The following BCL11B variants were observed in gnomAD, a reference collection of about 807,000 sequenced individuals.
BCL11B encodes B-cell lymphoma/leukemia 11B.
BCL11B carries 8 observed loss-of-function variants against 49.9 expected under a neutral mutation model. That is an observed-to-expected ratio of 0.16 (90% confidence interval 0.09 to 0.29). The LOEUF is 0.29. Among genes scored for constraint, BCL11B ranks in the 10% least tolerant of loss-of-function variants. The pLI is 1.00. For missense variants in BCL11B, 1,006 were observed against 1,351.0 expected, an observed-to-expected ratio of 0.74 and a Z score of 4.00; for synonymous variants, 739 against 637.4, an observed-to-expected ratio of 1.16 and a Z score of -2.40.
intron 2 of BCL11B, among the ~76,000 whole-genome samples, chr14:99,245,499 C>T (rs887044526): frequency 4.6e-5 from 7 of 152,234 alleles, no homozygotes; most frequent in African/African-American, 1.7e-4. Context: ...TACAAGGGAA[C>T]TCCCGGAGGC....
At chr14:99,268,894 C>A (rs1889564836) in intron 1 of BCL11B, among the ~76,000 whole-genome samples, 2 of 152,132 alleles carry the variant, frequency 1.3e-5, no homozygotes, top group Non-Finnish European at 2.9e-5. Context: ...CTTTCCCCAG[C>A]GTGGCTCTGA....
chr14:99,212,601 T>C (rs532425397), intron 3 of BCL11B, among the ~76,000 whole-genome samples: 13 of 152,198 alleles, frequency 8.5e-5, no homozygotes, highest in African/African-American at 3.1e-4. Flanking sequence ...CACCCCGTGA[T>C]AGGTGTCTCC....
rs961324878 is a variant in BCL11B at position 99,176,016 on chromosome 14, C to T, written c.820G>A (p.Val274Met). 6.4e-6 allele frequency: 10 copies of T among 1,561,314 alleles called. No homozygotes were observed. In the Admixed American group the frequency reaches 1.1e-4, roughly 18 times the overall value. The change falls in exon 4 of 4, where the codon GTG becomes ATG. Residue 274 changes from valine to methionine, a missense_variant. Coordinates refer to ENST00000357195, the MANE Select transcript of BCL11B (RefSeq NM_138576.4). The part of the protein sequence containing the change: ...TIPPPLGPEA[V>M]AQSPLMNFLG... ...AAATTCATGAGCGGGGACTGCGCCA[C>T]GGCCTCCGGCCCGAGCGGCGGCGGG... is the stretch of plus-strand genomic sequence containing the variant.
At chr14:99,256,842 C>T (rs1252619413) in intron 2 of BCL11B, among the ~76,000 whole-genome samples, 1 of 152,182 alleles carries the variant, frequency 6.6e-6, no homozygotes, top group Non-Finnish European at 1.5e-5. Flanking sequence ...TTCCCACACC[C>T]CTGCCTGGGA....
At chr14:99,260,934 AACTC>A (rs1168290504) in intron 1 of BCL11B, among the ~76,000 whole-genome samples, 2 of 152,126 alleles carry the variant, frequency 1.3e-5, no homozygotes, top group African/African-American at 4.8e-5. Context: ...CCAGAGATCC[AACTC>A]ACTGCCTCTA....
intron 3 of BCL11B, among the ~76,000 whole-genome samples, chr14:99,211,882 G>A (rs1215189895): frequency 6.6e-6 from 1 of 152,052 alleles, no homozygotes; most frequent in East Asian, 1.9e-4. Context: ...CATCATCTAT[G>A]TGGGCTTTTG....
At chr14:99,202,082 G>A (rs974693988) in intron 3 of BCL11B, among the ~76,000 whole-genome samples, 7 of 152,144 alleles carry the variant, frequency 4.6e-5, no homozygotes, top group Admixed American at 4.6e-4. Context: ...TTGGGCTCAA[G>A]CAATTCTCCC....
At chr14:99,263,763 A>T (rs1889404391) in intron 1 of BCL11B, among the ~76,000 whole-genome samples, 2 of 152,206 alleles carry the variant, frequency 1.3e-5, no homozygotes, top group South Asian at 4.2e-4. Context: ...GCACAAGAGC[A>T]GAAAAAAGAA....
At chr14:99,264,671 T>C (rs1396101361) in intron 1 of BCL11B, 1 of 152,078 alleles carries the variant, frequency 6.6e-6, no homozygotes, top group African/African-American at 2.4e-5. Context: ...AAGACTAGCA[T>C]ATGTCAAAAT....
rs1367490272 is a variant in BCL11B, at chr14:99,228,974, G to A, written c.640+2371C>T. ...TGGATGGATGGATGCATGGATGGAT[G>A]CATGGATGGATGGATGGCTACATGG... On this transcript the variant is annotated intron_variant, in intron 3 of 3. Transcript: ENST00000357195. This position sits in a 1 kb window ranked among gnomAD's most constrained non-coding sequence, Gnocchi z 4.8. Among the ~76,000 whole-genome samples, 2 of 151,640 alleles carry A rather than the reference G, an allele frequency of 1.3e-5. No individual in the cohort carries two copies. The highest frequency in any genetic ancestry group is 4.8e-5 in the African/African-American group (2 of 41,282).
chr14:99,256,089 G>T (rs898920102), intron 2 of BCL11B, among the ~76,000 whole-genome samples: 2 of 152,214 alleles, frequency 1.3e-5, no homozygotes, highest in African/African-American at 4.8e-5. Context: ...TTGGAGACGT[G>T]GGGGAGACAG....
rs1886229097 is a variant in BCL11B, at chr14:99,169,789, G to A, written c.*4362C>T. 4.4e-6 allele frequency: 1 copy of A among 226,046 alleles called. No homozygotes were observed. Among genetic ancestry groups the A allele is most frequent in the Non-Finnish European group, 8.8e-6 (1 of 113,174 alleles). The allele number at this position is 226,046 out of a possible 1,614,324, so 14.0% of individuals were successfully genotyped here. ...TCGGCTGACGGTTACTTAGGACCGG[G>A]ATGAAAGGCTGATTTCCTTACTTTT... On this transcript the variant is annotated 3_prime_UTR_variant, in exon 4 of 4. Transcript: ENST00000357195.
intron 3 of BCL11B, among the ~76,000 whole-genome samples, chr14:99,206,857 C>G (rs193088245): frequency 1.8e-4 from 27 of 152,258 alleles, no homozygotes; most frequent in African/African-American, 6.3e-4. Context: ...TGGAACATAT[C>G]CCCCCAAGGA....
Position 99,257,781 on chromosome 14 carries a change from C to T in BCL11B, c.117G>A (p.Glu39=), listed in dbSNP as rs776879548. Residue 39 remains glutamate (E), a synonymous_variant, in exon 2 of 4, where the codon GAG becomes GAA. Transcript: ENST00000357195. The surrounding 1 kb of genome is among the most constrained non-coding windows in gnomAD (Gnocchi z 6.2). The part of the protein sequence containing the change: ...ILEEDEGLEI[E]EPSGLGLMVG... ...CCATCAGCCCCAGGCCACTTGGCTC[C>T]TCTATCTCCAGACCCTCGTCTTCTT... 1.3e-6 allele frequency: 2 copies of T among 1,593,310 alleles called. No individual in the cohort carries two copies. The highest frequency in any genetic ancestry group is 1.7e-6 in the Non-Finnish European group (2 of 1,167,312).
At chr14:99,185,388 G>A (rs1886822107) in intron 3 of BCL11B, among the ~76,000 whole-genome samples, 1 of 150,392 alleles carries the variant, frequency 6.6e-6, no homozygotes, top group Non-Finnish European at 1.5e-5. Context: ...GGTGAGCTGA[G>A]ATCACACCAC....
intron 3 of BCL11B, among the ~76,000 whole-genome samples, chr14:99,179,553 C>T (rs1238720263): frequency 6.8e-6 from 1 of 146,016 alleles, no homozygotes. Context: ...GTCCATAATT[C>T]ACCATCAGGT....
chr14:99,199,882 C>T (rs1188886137), intron 3 of BCL11B, among the ~76,000 whole-genome samples: 4 of 151,988 alleles, frequency 2.6e-5, no homozygotes, highest in South Asian at 2.1e-4. Context: ...TATATTCGAA[C>T]GCTTGTTGGT....
chr14:99,234,417 G>A (rs1888429484), intron 2 of BCL11B, among the ~76,000 whole-genome samples: 1 of 152,144 alleles, frequency 6.6e-6, no homozygotes, highest in Non-Finnish European at 1.5e-5. Flanking sequence ...AAGTGAAGCT[G>A]GGAAATCCAG....
chr14:99,210,861 C>T (rs962864454), intron 3 of BCL11B, among the ~76,000 whole-genome samples: 2 of 152,150 alleles, frequency 1.3e-5, no homozygotes, highest in Non-Finnish European at 2.9e-5. Context: ...GCACTTGGGG[C>T]CGCAGAGCCC....
Sources: allele counts gnomAD v4.1 joint callset (sites outside exome capture counted in the v4.1 genomes callset), GRCh38; gene constraint gnomAD v4.1.1; non-coding constraint Gnocchi (gnomAD v3.1); transcripts MANE v1.5; gene names NCBI Gene and HGNC (gene_info 2026-07-23, HGNC 2026-07-21).